Variants in HUWE1 observed in about 807,000 individuals in gnomAD.
The protein encoded by HUWE1 is E3 ubiquitin-protein ligase HUWE1.
A neutral mutation model predicts 299.4 loss-of-function variants in HUWE1; 18 were observed. The observed-to-expected ratio is 0.06, with a 90% confidence interval of 0.04 to 0.09. The LOEUF (loss-of-function observed/expected upper bound fraction) is 0.09, where lower values mean the gene tolerates loss of function less well. Ranked by LOEUF, HUWE1 falls within the 10% of genes least tolerant of loss-of-function variation. The pLI, the probability that HUWE1 is intolerant of heterozygous loss-of-function variation, is 1.00. For missense variants in HUWE1, 1,832 were observed against 3,462.3 expected, an observed-to-expected ratio of 0.53 and a Z score of 11.82; for synonymous variants, 1,317 against 1,286.1, an observed-to-expected ratio of 1.02 and a Z score of -0.51.
chrX:53,669,686 C>T (rs12846758), intron 3 of HUWE1, among the ~76,000 whole-genome samples: 1 of 112,399 alleles, frequency 8.9e-6, no homozygotes, highest in African/African-American at 3.2e-5. Context: ...AACTACACTT[C>T]TGCAAATAAT....
chrX:53,587,990 T>C (rs1299917390), intron 37 of HUWE1, among the ~76,000 whole-genome samples: 2 of 111,886 alleles, frequency 1.8e-5, no homozygotes, highest in Non-Finnish European at 3.8e-5. Flanking sequence ...CATACCCTAC[T>C]CTACTATGTG....
At position 53,552,401 on chromosome X, in the gene HUWE1, A is replaced by G; in HGVS notation, c.8791T>C (p.Ser2931Pro). The G allele has an allele frequency of 8.3e-7, 1 of 1,211,378 alleles. No homozygotes were observed. Among genetic ancestry groups the G allele is most frequent in the Non-Finnish European group, 1.1e-6 (1 of 895,215 alleles). Residue 2931 changes from serine to proline, a missense_variant, in exon 63 of 84, where the codon TCT (serine) becomes CCT (proline). Coordinates refer to ENST00000262854, the MANE Select transcript of HUWE1 (RefSeq NM_031407.7). Reference sequence around the variant, plus strand: ...TCTGCTCCAGAAATGGCCACGGCAGAATCTCTGGTGGAAGAGCTCTCAGAG... The same window carrying G: ...TCTGCTCCAGAAATGGCCACGGCAGGATCTCTGGTGGAAGAGCTCTCAGAG... The part of the protein sequence containing the change: ...ASSESSSTRD[S>P]AVAISGADSR...
intron 26 of HUWE1, among the ~76,000 whole-genome samples, chrX:53,604,134 A>G (rs913914774): frequency 8.9e-6 from 1 of 112,125 alleles, no homozygotes; most frequent in African/African-American, 3.2e-5. Context: ...GAATAAATGT[A>G]GTAAAACTGT....
chrX:53,538,867 G>C lies in HUWE1; in HGVS notation c.11846C>G (p.Pro3949Arg). 8.3e-7 allele frequency: 1 copy of C among 1,206,652 alleles called. No individual in the cohort carries two copies. The highest frequency in any genetic ancestry group is 1.1e-6 in the Non-Finnish European group (1 of 892,770). ...PSSMHISSSL[P>R]PDTQKFLRFA... is the part of the protein sequence containing the mutation. ...GCGAAGGAACTTCTGTGTGTCAGGG[G>C]GCAGGCTTGAGGAGATGTGCATAGA... is the stretch of plus-strand genomic sequence containing the variant. The change falls in exon 76 of 84, where the codon CCC becomes CGC. Residue 3949 changes from proline to arginine, a missense_variant. Pro to Arg is a moderately radical substitution (Grantham distance 103). Around this residue, in one of 15 missense-constraint regions of HUWE1, gnomAD observed 129 missense variants for 439.4 expected, o/e 0.29. Coordinates refer to ENST00000262854, the MANE Select transcript of HUWE1 (RefSeq NM_031407.7).
intron 59 of HUWE1, among the ~76,000 whole-genome samples, chrX:53,557,647 G>A (rs1602635991): frequency 8.9e-6 from 1 of 111,758 alleles, no homozygotes; most frequent in East Asian, 2.8e-4. Context: ...TGGGGCTGAG[G>A]GGGAAATAAA....
Position 53,549,254 on chromosome X carries a change from G to A in HUWE1, c.9740C>T (p.Thr3247Ile). 3.3e-6 allele frequency: 4 copies of A among 1,211,687 alleles called. No homozygotes were observed. Among genetic ancestry groups the A allele is most frequent in the Non-Finnish European group, 4.5e-6 (4 of 895,422 alleles). ...CGACTTTTTGCCCTTTTCCTCACTT[G>A]TAGTGAGTTTGGGTGTTTCAATGCA... Reference protein sequence around the residue: ...ELCIETPKLTTSEEKGKKSSK... With the variant: ...ELCIETPKLTISEEKGKKSSK... The change falls in exon 67 of 84, where the codon ACA (threonine) becomes ATA (isoleucine). Residue 3247 changes from threonine (T) to isoleucine (I), a missense_variant. Physicochemically the swap from Thr to Ile is moderately conservative, Grantham distance 89. This residue lies in a region of HUWE1 where 80 missense variants were observed against 142.1 expected (regional missense o/e 0.56). Coordinates refer to ENST00000262854, the MANE Select transcript of HUWE1 (RefSeq NM_031407.7).
rs55892294 is a variant in HUWE1 at position 53,547,484 on chromosome X, C to G, written c.10636+189G>C. ...AGAGAAAGAGAGAGACACAGAGAGA[C>G]GGGGATGGAGGAAGGGAGACAGAGT... is the stretch of plus-strand genomic sequence containing the variant. On this transcript the variant is annotated intron_variant, in intron 68 of 83. Coordinates refer to ENST00000262854, the MANE Select transcript of HUWE1 (RefSeq NM_031407.7). Among the ~76,000 whole-genome samples, 10 of 111,038 alleles carry G rather than the reference C, an allele frequency of 9.0e-5. No homozygotes were observed. The South Asian group carries it at 3.8e-3, about 43-fold the overall frequency.
intron 7 of HUWE1, among the ~76,000 whole-genome samples, chrX:53,635,708 T>C (rs1447678168): frequency 9.0e-6 from 1 of 111,591 alleles, no homozygotes; most frequent in Non-Finnish European, 1.9e-5. Flanking sequence ...CTAGTGTGGG[T>C]CCCAATCACC....
At chrX:53,569,937 G>A (rs943133885) in intron 47 of HUWE1, 110 bp from the exon 48 acceptor site, 1 of 652,997 alleles carries the variant, frequency 1.5e-6, no homozygotes, top group East Asian at 3.5e-5. Context: ...CACCCAATGA[G>A]TGATTATTAG....
chrX:53,554,231 T>C (rs2061895921), intron 61 of HUWE1, among the ~76,000 whole-genome samples: 2 of 111,052 alleles, frequency 1.8e-5, no homozygotes, highest in Non-Finnish European at 3.8e-5. Flanking sequence ...TGGAGAGTTT[T>C]TTTTTCCCCC....
intron 42 of HUWE1, among the ~76,000 whole-genome samples, chrX:53,582,534 C>CT (rs2063671116): frequency 8.9e-6 from 1 of 112,576 alleles, no homozygotes; most frequent in South Asian, 3.6e-4. Context: ...CTAAAAATCT[C>CT]TAAGTAACGA....
intron 49 of HUWE1, among the ~76,000 whole-genome samples, chrX:53,567,679 A>G: frequency 8.9e-6 from 1 of 112,436 alleles, no homozygotes; most frequent in South Asian, 3.7e-4. Context: ...AGCCTCAAAG[A>G]AATTAATTGA....
At chrX:53,539,563 G>A in intron 75 of HUWE1, 94 bp downstream of exon 75, 1 of 850,012 alleles carries the variant, frequency 1.2e-6, no homozygotes, top group Non-Finnish European at 1.8e-6. Context: ...CACTGAGGGA[G>A]AGGAGTAACC....
intron 3 of HUWE1, among the ~76,000 whole-genome samples, chrX:53,663,250 C>T (rs781850774): frequency 3.6e-5 from 4 of 112,353 alleles, no homozygotes; most frequent in African/African-American, 6.5e-5. Flanking sequence ...CAGTAGCTCA[C>T]GCCTGTAATC....
chrX:53,539,612 A>G lies in HUWE1; in HGVS notation c.11632+45T>C, dbSNP rs1556916535. The G allele has an allele frequency of 3.4e-6, 4 of 1,185,558 alleles. No individual in the cohort carries two copies. In the South Asian group the frequency reaches 5.3e-5, roughly 16 times the overall value. ...AACAAGCTGGCAGGAAGGGCCCCAGAGCAGACCACTGGGTTGGGACCTGGG... is the reference window on the plus strand; with the variant it reads ...AACAAGCTGGCAGGAAGGGCCCCAGGGCAGACCACTGGGTTGGGACCTGGG... On this transcript the variant is annotated intron_variant, in intron 75 of 83. Transcript: ENST00000262854.
Position 53,589,578 on chromosome X carries a change from C to T in HUWE1, c.4430G>A (p.Arg1477His), listed in dbSNP as rs782577485. ...TAIKRNGADY[R>H]DMILKQVVNQ... ...GACTACTTGCTTCAGAATCATGTCA[C>T]GATAATCTGCTCCATTACGTTTGAT... Residue 1477 changes from arginine to histidine, a missense_variant, in exon 36 of 84, where the codon CGT (arginine) becomes CAT (histidine). Physicochemically the swap from Arg to His is conservative, Grantham distance 29. Transcript: ENST00000262854. The T allele has an allele frequency of 9.9e-6, 12 of 1,209,274 alleles. No individual in the cohort carries two copies. Among genetic ancestry groups the T allele is most frequent in the Middle Eastern group, 2.3e-4 (1 of 4,375 alleles).
rs782256677 is a variant in HUWE1, at chrX:53,678,616, T to C, written c.-25+1433A>G. Among the ~76,000 whole-genome samples, 6 of 111,755 alleles carry C rather than the reference T, an allele frequency of 5.4e-5. No individual in the cohort carries two copies. In the East Asian group the frequency reaches 1.7e-3, roughly 31 times the overall value. ...TGTGTATAATAGCTGAAAATCAACATGTAAGTAGAAGCTCTCAAAAACTGT... is the reference window on the plus strand; with the variant it reads ...TGTGTATAATAGCTGAAAATCAACACGTAAGTAGAAGCTCTCAAAAACTGT... On this transcript the variant is annotated intron_variant, in intron 3 of 83. Coordinates refer to ENST00000262854, the MANE Select transcript of HUWE1 (RefSeq NM_031407.7).
intron 62 of HUWE1, 71 bp from the exon 63 acceptor site, chrX:53,552,512 C>T: frequency 1.7e-6 from 2 of 1,199,881 alleles, no homozygotes; most frequent in South Asian, 3.5e-5. Context: ...CTACAATACC[C>T]CTTTCTCACA....
intron 7 of HUWE1, among the ~76,000 whole-genome samples, chrX:53,644,628 A>C (rs1557034018): frequency 8.9e-6 from 1 of 112,313 alleles, no homozygotes; most frequent in Non-Finnish European, 1.9e-5. Flanking sequence ...TACAAAACTA[A>C]TTTATAAGTA....
Sources: gnomAD v4.1 joint callset for allele counts (sites outside exome capture counted in the v4.1 genomes callset) on GRCh38, gnomAD v4.1.1 for gene constraint, gnomAD v4.1.1 regional missense constraint, MANE v1.5 for transcripts, NCBI Gene and HGNC (gene_info 2026-07-23, HGNC 2026-07-21) for gene names.